Variants in MACROH2A2 observed in about 807,000 individuals in gnomAD.
MACROH2A2 encodes core histone macro-H2A.2.
Under a neutral mutation model 37.6 loss-of-function variants are expected in MACROH2A2, and 6 were observed. That is an observed-to-expected ratio of 0.16 (90% CI 0.09 to 0.32). The LOEUF (loss-of-function observed/expected upper bound fraction) is 0.32, where lower values mean the gene tolerates loss of function less well. Ranked by LOEUF, MACROH2A2 falls within the 10% of genes least tolerant of loss-of-function variation. MACROH2A2 has a pLI of 1.00. For synonymous variants in MACROH2A2, 192 were observed against 202.7 expected, an observed-to-expected ratio of 0.95 and a Z score of 0.45; for missense variants, 290 against 485.9, an observed-to-expected ratio of 0.60 and a Z score of 3.79.
intron 4 of MACROH2A2, among the ~76,000 whole-genome samples, chr10:70,093,072 A>G (rs2136636478): frequency 6.6e-6 from 1 of 151,954 alleles, no homozygotes. Flanking sequence ...TGCAGTGGCG[A>G]GATCATAGCT....
intron 1 of MACROH2A2, among the ~76,000 whole-genome samples, chr10:70,074,170 A>G (rs1449665781): frequency 6.6e-6 from 1 of 152,186 alleles, no homozygotes; most frequent in Non-Finnish European, 1.5e-5. Context: ...ACAATTTTCT[A>G]GATTGTGGGT....
intron 1 of MACROH2A2, among the ~76,000 whole-genome samples, chr10:70,068,041 C>G (rs567629497): frequency 6.6e-6 from 1 of 152,014 alleles, no homozygotes; most frequent in Non-Finnish European, 1.5e-5. Flanking sequence ...GTACTTGTCT[C>G]TCTCAATGAG....
At chr10:70,063,970 C>T (rs572926655) in intron 1 of MACROH2A2, among the ~76,000 whole-genome samples, 1 of 152,276 alleles carries the variant, frequency 6.6e-6, no homozygotes, top group African/African-American at 2.4e-5. Context: ...CAGGACAGCT[C>T]GGTGAATTAT....
chr10:70,087,070 G>T (rs374886939), intron 2 of MACROH2A2, among the ~76,000 whole-genome samples: 11 of 152,096 alleles, frequency 7.2e-5, no homozygotes, highest in African/African-American at 2.6e-4. Context: ...ACAAGCCTGT[G>T]GTCCCAGCTA....
chr10:70,096,826 A>G (rs971860284), intron 6 of MACROH2A2, among the ~76,000 whole-genome samples: 1 of 152,168 alleles, frequency 6.6e-6, no homozygotes, highest in African/African-American at 2.4e-5. Context: ...TCCTCCTGGC[A>G]TCAGAGGCCA....
At chr10:70,104,362 GAAA>G (rs869029665) in intron 7 of MACROH2A2, among the ~76,000 whole-genome samples, 2 of 123,382 alleles carry the variant, frequency 1.6e-5, no homozygotes, top group Non-Finnish European at 3.5e-5. Flanking sequence ...GGACAGAGAG[GAAA>G]AAAAAAAAAA....
intron 6 of MACROH2A2, chr10:70,098,310 AAAAG>A (rs1331892910): frequency 7.0e-6 from 1 of 143,704 alleles, no homozygotes; most frequent in Non-Finnish European, 1.5e-5. Flanking sequence ...GAGGGAAAGA[AAAAG>A]AGAGAAAGAG....
At chr10:70,111,436 C>T (rs1446858506) in intron 8 of MACROH2A2, 82 bp from the exon 9 acceptor site, 1 of 1,249,052 alleles carries the variant, frequency 8.0e-7, no homozygotes, top group Non-Finnish European at 1.1e-6. Context: ...CAAGGCCCCA[C>T]CCAGTAAAAA....
At chr10:70,100,767 C>T (rs2072302298) in intron 7 of MACROH2A2, among the ~76,000 whole-genome samples, 1 of 152,128 alleles carries the variant, frequency 6.6e-6, no homozygotes, top group African/African-American at 2.4e-5. Context: ...CAGGCGCATG[C>T]CACCATGCCT....
intron 2 of MACROH2A2, among the ~76,000 whole-genome samples, chr10:70,079,925 A>G (rs1256827545): frequency 6.6e-6 from 1 of 152,148 alleles, no homozygotes; most frequent in Non-Finnish European, 1.5e-5. Context: ...CCACACTGCC[A>G]TGGGGTGAGA....
intron 8 of MACROH2A2, among the ~76,000 whole-genome samples, chr10:70,111,016 C>T (rs1279562153): frequency 6.6e-6 from 1 of 152,190 alleles, no homozygotes; most frequent in Non-Finnish European, 1.5e-5. Flanking sequence ...CACCTGTAAT[C>T]CCAGCACTTT....
At chr10:70,073,534 G>A (rs2072122398) in intron 1 of MACROH2A2, among the ~76,000 whole-genome samples, 2 of 152,098 alleles carry the variant, frequency 1.3e-5, no homozygotes, top group African/African-American at 2.4e-5. Context: ...GTGGCAAAAC[G>A]ACATATGAAG....
intron 1 of MACROH2A2, among the ~76,000 whole-genome samples, chr10:70,066,489 G>T (rs183775995): frequency 6.6e-6 from 1 of 152,262 alleles, no homozygotes; most frequent in African/African-American, 2.4e-5. Flanking sequence ...CAGGAAGACC[G>T]CTGGCTAAAA....
chr10:70,083,861 T>C (rs917754743), intron 2 of MACROH2A2, among the ~76,000 whole-genome samples: 2 of 150,814 alleles, frequency 1.3e-5, no homozygotes, highest in Non-Finnish European at 2.9e-5. Context: ...ATCTGTGGAA[T>C]TGTGATAATG....
rs7905431 is a variant in MACROH2A2, at chr10:70,107,715, C to T, written c.779-1318C>T. The stretch of plus-strand genomic sequence containing the variant: ...GCTGGCCTAATTCAGTTTCACAGCC[C>T]GCTTTTGAAACCCCACTCTCTGCAG... On this transcript the variant is annotated intron_variant, in intron 7 of 8. Coordinates refer to ENST00000373255, the MANE Select transcript of MACROH2A2 (RefSeq NM_018649.3). This position sits in a 1 kb window ranked among gnomAD's most constrained non-coding sequence, Gnocchi z 4.4. 0.17 allele frequency among the ~76,000 whole-genome samples: 26,335 copies of T among 152,154 alleles called. 3,320 individuals are homozygous for T. The highest frequency in any genetic ancestry group is 0.35 in the African/African-American group (14,679 of 41,476).
intron 3 of MACROH2A2, among the ~76,000 whole-genome samples, 184 bp downstream of exon 3, chr10:70,090,350 T>C (rs1361199242): frequency 6.6e-6 from 1 of 152,250 alleles, no homozygotes; most frequent in Non-Finnish European, 1.5e-5. Flanking sequence ...TAAAATTGCC[T>C]CTGGCATAGA....
intron 7 of MACROH2A2, among the ~76,000 whole-genome samples, chr10:70,105,666 C>G (rs532400543): frequency 2.7e-5 from 4 of 146,058 alleles, no homozygotes; most frequent in Non-Finnish European, 4.5e-5. Flanking sequence ...CTCCAGCAAC[C>G]GTGTGGAGGA....
chr10:70,093,480 G>C lies in MACROH2A2; in HGVS notation c.478-255G>C, dbSNP rs2072258050. Among the ~76,000 whole-genome samples the C allele has an allele frequency of 2.0e-5, 3 of 152,230 alleles. No individual in the cohort carries two copies. The South Asian group carries it at 6.2e-4, about 32-fold the overall frequency. On this transcript the variant is annotated intron_variant, in intron 4 of 8. Transcript: ENST00000373255. ...TTGAAATGAGCAAGGACAATGTGCT[G>C]GTGCACAGGGGTAGGTGAGGACTGC...
intron 5 of MACROH2A2, among the ~76,000 whole-genome samples, chr10:70,094,421 A>G (rs974845783): frequency 1.3e-5 from 2 of 152,138 alleles, no homozygotes; most frequent in African/African-American, 4.8e-5. Context: ...CATTCCTACA[A>G]GTGTAAAGTT....
Sources: gnomAD v4.1 joint callset for allele counts (sites outside exome capture counted in the v4.1 genomes callset) on GRCh38, gnomAD v4.1.1 for gene constraint, Gnocchi (gnomAD v3.1) non-coding constraint, MANE v1.5 for transcripts, NCBI Gene and HGNC (gene_info 2026-07-23, HGNC 2026-07-21) for gene names.